The following PDCD1LG2 variants were observed in gnomAD, a reference collection of about 807,000 sequenced individuals.
PDCD1LG2 encodes the protein B7 dendritic cell molecule.
In PDCD1LG2, 32 loss-of-function variants were observed where a neutral mutation model predicts 28.2. That is an observed-to-expected ratio of 1.13 (90% CI 0.86 to 1.52). The LOEUF is 1.52. Among genes scored for constraint, PDCD1LG2 ranks in the 40% most tolerant of loss-of-function variants. The pLI, the probability that PDCD1LG2 is intolerant of heterozygous loss-of-function variation, is 0.00. For missense variants in PDCD1LG2, 385 were observed against 323.8 expected (o/e 1.19, Z -1.45); for synonymous variants, 116 against 120.2 (o/e 0.97, Z 0.23).
intron 1 of PDCD1LG2, among the ~76,000 whole-genome samples, chr9:5,515,922 CAAAAAAA>C (rs1204038026): frequency 0.12 from 3,527 of 29,930 alleles, 41 homozygotes; most frequent in South Asian, 0.17. Flanking sequence ...GACTCCATCT[CAAAAAAA>C]AAAAAAAAAA....
At chr9:5,538,460 T>C (rs1224368063) in intron 3 of PDCD1LG2, among the ~76,000 whole-genome samples, 2 of 148,722 alleles carry the variant, frequency 1.3e-5, no homozygotes, top group Non-Finnish European at 1.5e-5. Context: ...CCAAGGCGGG[T>C]GGATCATGAG....
intron 2 of PDCD1LG2, among the ~76,000 whole-genome samples, chr9:5,525,831 G>C (rs12352628): frequency 6.6e-6 from 1 of 151,662 alleles, no homozygotes; most frequent in South Asian, 2.1e-4. Flanking sequence ...GGCAGATCAC[G>C]AGGTCAGGAG....
intron 3 of PDCD1LG2, 141 bp downstream of exon 3, chr9:5,535,191 G>T: frequency 1.3e-6 from 1 of 770,764 alleles, no homozygotes; most frequent in Non-Finnish European, 2.0e-6. Flanking sequence ...GAAAATGAAA[G>T]CATCTGCTCG....
At chr9:5,567,928 T>G (rs1816696741) in intron 6 of PDCD1LG2, among the ~76,000 whole-genome samples, 1 of 152,294 alleles carries the variant, frequency 6.6e-6, no homozygotes, top group South Asian at 2.1e-4. Context: ...AGTCTTTACG[T>G]TTTTTGTTTT....
At chr9:5,517,095 G>T (rs2129697700) in intron 1 of PDCD1LG2, among the ~76,000 whole-genome samples, 1 of 152,330 alleles carries the variant, frequency 6.6e-6, no homozygotes, top group South Asian at 2.1e-4. Flanking sequence ...ACTGACTCCA[G>T]CCTGGGCAAC....
At chr9:5,545,935 G>A (rs1277482446) in intron 3 of PDCD1LG2, among the ~76,000 whole-genome samples, 3 of 152,136 alleles carry the variant, frequency 2.0e-5, no homozygotes, top group South Asian at 2.1e-4. Flanking sequence ...GAGTACTTCC[G>A]CCTCTTAAAT....
chr9:5,517,489 G>C (rs553185222), intron 1 of PDCD1LG2, among the ~76,000 whole-genome samples: 16 of 152,232 alleles, frequency 1.1e-4, no homozygotes, highest in African/African-American at 3.6e-4. Context: ...GTCCTTTAAA[G>C]CATGGGGTCC....
intron 5 of PDCD1LG2, 27 bp downstream of exon 5, chr9:5,557,779 C>G: frequency 6.2e-7 from 1 of 1,612,686 alleles, no homozygotes; most frequent in Non-Finnish European, 8.5e-7. Flanking sequence ...CATGGTAACC[C>G]AATGCACTGG....
intron 6 of PDCD1LG2, among the ~76,000 whole-genome samples, chr9:5,564,789 C>G (rs1816631732): frequency 1.3e-5 from 2 of 152,246 alleles, no homozygotes; most frequent in South Asian, 4.1e-4. Flanking sequence ...ACCAACACCA[C>G]TGCCATGAGC....
rs765183945 is a variant in PDCD1LG2 at position 5,563,219 on chromosome 9, A to G, written c.816+8A>G. 6.2e-7 allele frequency: 1 copy of G among 1,608,136 alleles called. No individual in the cohort carries two copies. The highest frequency in any genetic ancestry group is 1.7e-5 in the Admixed American group (1 of 59,736). On this transcript the variant is annotated splice_region_variant and intron_variant, in intron 6 of 6. Coordinates refer to ENST00000397747, the MANE Select transcript of PDCD1LG2 (RefSeq NM_025239.4). ...AGGGAAGTGAACAGTGCTGTGAGTA[A>G]GCATGATTTTTACTTTTCTTTCTTA...
intron 2 of PDCD1LG2, among the ~76,000 whole-genome samples, chr9:5,528,072 C>T (rs990357729): frequency 3.3e-5 from 5 of 151,892 alleles, no homozygotes; most frequent in African/African-American, 1.2e-4. Context: ...TCAGGTGATC[C>T]ACCCACCTTG....
At chr9:5,513,006 A>G (rs1820090175) in intron 1 of PDCD1LG2, among the ~76,000 whole-genome samples, 1 of 152,166 alleles carries the variant, frequency 6.6e-6, no homozygotes, top group Non-Finnish European at 1.5e-5. Context: ...CCAAACATCT[A>G]GATGAATACA....
intron 2 of PDCD1LG2, among the ~76,000 whole-genome samples, chr9:5,533,958 C>T (rs565885577): frequency 6.6e-6 from 1 of 150,876 alleles, no homozygotes; most frequent in South Asian, 2.1e-4. Flanking sequence ...TTCCATTTTT[C>T]CTTTCCCTTT....
intron 1 of PDCD1LG2, among the ~76,000 whole-genome samples, chr9:5,520,580 A>C (rs1234844777): frequency 6.6e-6 from 1 of 152,186 alleles, no homozygotes; most frequent in Non-Finnish European, 1.5e-5. Flanking sequence ...TGTGACCTTG[A>C]CTAGGCAATG....
chr9:5,530,991 G>A (rs773780727), intron 2 of PDCD1LG2, among the ~76,000 whole-genome samples: 1 of 152,200 alleles, frequency 6.6e-6, no homozygotes. Context: ...ACGCTTGCAC[G>A]TGCAAATGTT....
chr9:5,548,857 T>A (rs1401756025), intron 3 of PDCD1LG2, among the ~76,000 whole-genome samples: 1 of 152,212 alleles, frequency 6.6e-6, no homozygotes, highest in Admixed American at 6.5e-5. Flanking sequence ...CTGAAGATGT[T>A]TGGAAAAAAT....
chr9:5,556,275 T>A (rs760097674), intron 4 of PDCD1LG2, among the ~76,000 whole-genome samples: 82 of 152,146 alleles, frequency 5.4e-4, no homozygotes, highest in Admixed American at 1.2e-3. Context: ...GAGGCCCAGG[T>A]CTCCTTGACT....
intron 2 of PDCD1LG2, among the ~76,000 whole-genome samples, chr9:5,533,792 G>A (rs1295004684): frequency 6.6e-6 from 1 of 151,694 alleles, no homozygotes; most frequent in East Asian, 1.9e-4. Flanking sequence ...ACTAACATAT[G>A]TCCTGAAGTG....
intron 2 of PDCD1LG2, among the ~76,000 whole-genome samples, chr9:5,525,597 A>G (rs894275166): frequency 2.0e-5 from 3 of 151,920 alleles, no homozygotes; most frequent in African/African-American, 7.2e-5. Context: ...GATAAATTAC[A>G]AAAACATGTA....
Sources: gnomAD v4.1 joint callset for allele counts (sites outside exome capture counted in the v4.1 genomes callset) on GRCh38, gnomAD v4.1.1 for gene constraint, MANE v1.5 for transcripts, NCBI Gene and HGNC (gene_info 2026-07-23, HGNC 2026-07-21) for gene names.